Variants in AUTS2 observed in about 807,000 individuals in gnomAD.
The protein encoded by AUTS2 is activator of transcription and developmental regulator AUTS2.
In AUTS2, 17 loss-of-function variants were observed where a neutral mutation model predicts 112.4. The ratio of observed to expected loss-of-function variants is 0.15; its 90% CI spans 0.10 to 0.23. AUTS2 has a LOEUF of 0.23. AUTS2 is among the 10% of genes least tolerant of loss of function. The pLI is 1.00. For synonymous variants in AUTS2, 751 were observed against 702.7 expected, an observed-to-expected ratio of 1.07 and a Z score of -1.09; for missense variants, 1,510 against 1,701.6, an observed-to-expected ratio of 0.89 and a Z score of 1.98.
intron 4 of AUTS2, among the ~76,000 whole-genome samples, chr7:70,229,106 G>C (rs1225016200): frequency 1.3e-5 from 2 of 151,784 alleles, no homozygotes; most frequent in Non-Finnish European, 2.9e-5. Context: ...TAAATCGTTA[G>C]AGACAAGAAA....
chr7:70,760,598 G>A (rs933664146), intron 6 of AUTS2, among the ~76,000 whole-genome samples: 6 of 152,240 alleles, frequency 3.9e-5, no homozygotes, highest in African/African-American at 1.4e-4. Flanking sequence ...GAAGACACAT[G>A]GAGAGACACA....
chr7:69,672,848 G>T (rs1018626812), intron 1 of AUTS2, among the ~76,000 whole-genome samples: 8 of 152,190 alleles, frequency 5.3e-5, no homozygotes, highest in Non-Finnish European at 1.5e-5. Context: ...CACATGAATT[G>T]ATTTAGTTCT....
At chr7:70,473,344 A>G (rs562927044) in intron 5 of AUTS2, among the ~76,000 whole-genome samples, 1 of 152,296 alleles carries the variant, frequency 6.6e-6, no homozygotes, top group Non-Finnish European at 1.5e-5. Context: ...ACAAACCTGC[A>G]TAGTTAGCAA....
intron 10 of AUTS2, 58 bp downstream of exon 10, chr7:70,768,126 T>C (rs767521555): frequency 9.8e-5 from 148 of 1,504,468 alleles, no homozygotes; most frequent in Non-Finnish European, 1.3e-4. Context: ...TTTTGTGCTC[T>C]TGCCACAGAT....
At chr7:70,760,753 G>C (rs1789518563) in intron 6 of AUTS2, among the ~76,000 whole-genome samples, 1 of 152,252 alleles carries the variant, frequency 6.6e-6, no homozygotes, top group Non-Finnish European at 1.5e-5. Flanking sequence ...CAAAGGTTTT[G>C]AGAAGCCTTT....
At chr7:69,990,417 A>G (rs1012428582) in intron 2 of AUTS2, among the ~76,000 whole-genome samples, 2 of 152,156 alleles carry the variant, frequency 1.3e-5, no homozygotes, top group Non-Finnish European at 2.9e-5. Context: ...GTTGTTCCAG[A>G]TGAATTCGCT....
At chr7:70,788,965 C>T (rs958273506) in intron 18 of AUTS2, among the ~76,000 whole-genome samples, 2 of 152,240 alleles carry the variant, frequency 1.3e-5, no homozygotes, top group Non-Finnish European at 2.9e-5. Flanking sequence ...AGACAGGTCT[C>T]TAAAATTCTT....
At chr7:70,524,788 T>A (rs1311324525) in intron 5 of AUTS2, among the ~76,000 whole-genome samples, 1 of 152,256 alleles carries the variant, frequency 6.6e-6, no homozygotes. Flanking sequence ...TTGATTAACA[T>A]CAATAGGAAT....
intron 1 of AUTS2, among the ~76,000 whole-genome samples, chr7:69,730,800 G>C (rs991025869): frequency 6.6e-6 from 1 of 152,108 alleles, no homozygotes; most frequent in Non-Finnish European, 1.5e-5. Flanking sequence ...GGGATCTTTG[G>C]TGTTTTCCAA....
intron 1 of AUTS2, among the ~76,000 whole-genome samples, chr7:69,860,168 C>T (rs1220219759): frequency 3.3e-5 from 5 of 151,718 alleles, no homozygotes; most frequent in Admixed American, 6.6e-5. Flanking sequence ...ATCAGGTTAT[C>T]TATTTCTGGT....
chr7:70,579,528 T>G (rs964030693), intron 5 of AUTS2, among the ~76,000 whole-genome samples: 1 of 152,200 alleles, frequency 6.6e-6, no homozygotes, highest in Non-Finnish European at 1.5e-5. Flanking sequence ...GGCAATCTTG[T>G]TCACATATTT....
intron 6 of AUTS2, among the ~76,000 whole-genome samples, chr7:70,716,443 C>G (rs753581475): frequency 6.6e-6 from 1 of 151,958 alleles, no homozygotes; most frequent in Non-Finnish European, 1.5e-5. Flanking sequence ...ACCATCCTGG[C>G]TAACACAGTG....
chr7:70,726,609 A>C (rs1340749853), intron 6 of AUTS2, among the ~76,000 whole-genome samples: 1 of 152,228 alleles, frequency 6.6e-6, no homozygotes. Flanking sequence ...GGAACCTTCT[A>C]TAATTCTGTA....
intron 5 of AUTS2, among the ~76,000 whole-genome samples, chr7:70,468,372 G>T (rs1797249222): frequency 6.6e-6 from 1 of 152,178 alleles, no homozygotes; most frequent in African/African-American, 2.4e-5. Flanking sequence ...CTACCTTCCT[G>T]TCCAGAACAT....
intron 4 of AUTS2, among the ~76,000 whole-genome samples, chr7:70,271,172 C>T (rs978074989): frequency 6.6e-5 from 10 of 152,044 alleles, no homozygotes; most frequent in African/African-American, 2.4e-4. Context: ...CCTTTCTTTC[C>T]CTTCAGTTGC....
intron 4 of AUTS2, among the ~76,000 whole-genome samples, chr7:70,275,163 C>T (rs1372340749): frequency 6.6e-6 from 1 of 152,148 alleles, no homozygotes; most frequent in East Asian, 1.9e-4. Flanking sequence ...AGTCCTCCTG[C>T]CTGGTACTAC....
At chr7:69,969,571 G>GT (rs965398658) in intron 2 of AUTS2, among the ~76,000 whole-genome samples, 29 of 152,068 alleles carry the variant, frequency 1.9e-4, no homozygotes, top group African/African-American at 6.5e-4. Flanking sequence ...GGAGATTTTT[G>GT]TTTTCCAAAA....
intron 1 of AUTS2, among the ~76,000 whole-genome samples, chr7:69,879,237 G>T (rs1793933947): frequency 6.6e-6 from 1 of 152,046 alleles, no homozygotes; most frequent in South Asian, 2.1e-4. Context: ...CCTCCATCCT[G>T]GGCTCAAGTC....
chr7:70,453,578 G>A (rs1350121481), intron 5 of AUTS2, among the ~76,000 whole-genome samples: 2 of 152,160 alleles, frequency 1.3e-5, no homozygotes, highest in African/African-American at 4.8e-5. Context: ...CAGTTTCACT[G>A]GGCCAAAATC....
Sources: gnomAD v4.1 joint callset for allele counts (sites outside exome capture counted in the v4.1 genomes callset) on GRCh38, gnomAD v4.1.1 for gene constraint, MANE v1.5 for transcripts, NCBI Gene and HGNC (gene_info 2026-07-23, HGNC 2026-07-21) for gene names.